ANO9: variants seen among roughly 807,000 people sequenced by gnomAD.
ANO9 encodes the protein anoctamin 9, also known as anoctamin-9.
ANO9 carries 80 observed loss-of-function variants against 100.5 expected under a neutral mutation model. The ratio of observed to expected loss-of-function variants is 0.80; its 90% CI spans 0.66 to 0.96. ANO9 has a LOEUF of 0.96. Among genes scored for constraint, ANO9 ranks in the 40% least tolerant of loss-of-function variants. ANO9 has a pLI of 0.00. For missense variants in ANO9, 1,064 were observed against 1,072.7 expected (o/e 0.99, Z 0.11); for synonymous variants, 473 against 435.6 (o/e 1.09, Z -1.07).
chr11:421,023 A>G lies in ANO9; in HGVS notation c.1412T>C (p.Met471Thr), dbSNP rs1308817414. Residue 471 changes from methionine to threonine, a missense_variant, in exon 17 of 23, where the codon ATG (methionine) becomes ACG (threonine). Transcript: ENST00000332826. This position sits in a 1 kb window ranked among gnomAD's most constrained non-coding sequence, Gnocchi z 6.8. ...KLEECHASGC[M>T]MDLFVQMAII... ...GGCCATCTGCACGAAGAGGTCCATC[A>G]TGCAGCCGCTGGCGTGGCACTGCGG... is the stretch of plus-strand genomic sequence containing the variant. 1.2e-6 allele frequency: 2 copies of G among 1,604,002 alleles called. No individual in the cohort carries two copies. The highest frequency in any genetic ancestry group is 1.3e-5 in the African/African-American group (1 of 74,762).
In ANO9 at chr11:432,042, T is replaced by A. The variant is rs776173161; in HGVS notation, c.363A>T (p.Arg121=). The change falls in exon 5 of 23, where the codon CGA becomes CGT. Residue 121 remains arginine (R), a synonymous_variant. Coordinates refer to ENST00000332826, the MANE Select transcript of ANO9 (RefSeq NM_001012302.3). This position sits in a 1 kb window ranked among gnomAD's most constrained non-coding sequence, Gnocchi z 4.8. ...TGTTCATGACAACGAAGTTCACGAT[T>A]CGGATTCTGAGACTCAAGAGCCAGA... ...TIPVTTSLRI[R]IVNFVVMNNK... is the part of the protein sequence containing the mutation. 19 of 1,612,934 alleles carry A rather than the reference T, an allele frequency of 1.2e-5. No homozygotes were observed. The highest frequency in any genetic ancestry group is 1.6e-5 in the Non-Finnish European group (19 of 1,179,744).
chr11:429,224 C>T (rs1388339913), intron 11 of ANO9, among the ~76,000 whole-genome samples: 4 of 134,908 alleles, frequency 3.0e-5, no homozygotes, highest in Non-Finnish European at 4.7e-5. Flanking sequence ...TCACCCCACA[C>T]GTGGGGAGAC....
rs954915003 is a variant in ANO9, at chr11:422,278, C to T, written c.1335-1080G>A. ...AGAACCTCGTTCTCCCATAAGAAAA[C>T]GGAGGATGTATTTGTAGTCAGAGCG... On this transcript the variant is annotated intron_variant, in intron 15 of 22. Transcript: ENST00000332826. The surrounding 1 kb of genome is among the most constrained non-coding windows in gnomAD (Gnocchi z 4.3). Among the ~76,000 whole-genome samples, 11 of 152,276 alleles carry T rather than the reference C, an allele frequency of 7.2e-5. No individual in the cohort carries two copies. Among genetic ancestry groups the T allele is most frequent in the East Asian group, 1.9e-4 (1 of 5,190 alleles).
chr11:419,681 G>T lies in ANO9; in HGVS notation c.1835C>A (p.Ala612Asp), dbSNP rs1167766057. ...TGTGAAGGCAATGACCATCCCATTG[G>T]CAATGACCGCCAGCACACCGATGGT... Reference protein sequence around the residue: ...LETIGVLAVIANGMVIAFTSE... With the variant: ...LETIGVLAVIDNGMVIAFTSE... Residue 612 changes from alanine (A) to aspartate (D), a missense_variant, in exon 20 of 23, where the codon GCC becomes GAC. Physicochemically the swap from Ala to Asp is moderately radical, Grantham distance 126. Transcript: ENST00000332826. 1 of 1,610,946 alleles carries T rather than the reference G, an allele frequency of 6.2e-7. No individual in the cohort carries two copies. The highest frequency in any genetic ancestry group is 1.4e-5 in the African/African-American group (1 of 73,208).
intron 15 of ANO9, among the ~76,000 whole-genome samples, chr11:424,194 C>T (rs1158063279): frequency 6.6e-6 from 1 of 152,164 alleles, no homozygotes; most frequent in Non-Finnish European, 1.5e-5. Context: ...GCACCTGGCC[C>T]ACAGTTGAAC....
chr11:420,568 C>T lies in ANO9; in HGVS notation c.1681G>A (p.Ala561Thr). ...TTIFVAAFPL[A>T]PLLALFSNLV... Reference sequence around the variant, plus strand: ...TTGCTGAAGAGCGCGAGCAGCGGCGCCAGCGGGAAGGCGGCCACGAAGATG... The same window carrying T: ...TTGCTGAAGAGCGCGAGCAGCGGCGTCAGCGGGAAGGCGGCCACGAAGATG... The change falls in exon 19 of 23, where the codon GCG (alanine) becomes ACG (threonine). Residue 561 changes from alanine (A) to threonine (T), a missense_variant. Physicochemically the swap from Ala to Thr is moderately conservative, Grantham distance 58 (BLOSUM62 0). Coordinates refer to ENST00000332826, the MANE Select transcript of ANO9 (RefSeq NM_001012302.3). 1 of 1,605,564 alleles carries T rather than the reference C, an allele frequency of 6.2e-7. No individual in the cohort carries two copies. The highest frequency in any genetic ancestry group is 8.5e-7 in the Non-Finnish European group (1 of 1,179,586).
rs771181777 is a variant in ANO9 at position 430,417 on chromosome 11, G to A, written c.540-14C>T. On this transcript the variant is annotated splice_polypyrimidine_tract_variant and intron_variant, in intron 7 of 22. Transcript: ENST00000332826. ...CCAAAGTAGTTCCTGCAGGCAGCAGGGGTCAAGGCCAGCTGTCAGGGGGCG... is the reference window on the plus strand; with the variant it reads ...CCAAAGTAGTTCCTGCAGGCAGCAGAGGTCAAGGCCAGCTGTCAGGGGGCG... The A allele has an allele frequency of 3.2e-6, 5 of 1,566,586 alleles. No individual in the cohort carries two copies. The highest frequency in any genetic ancestry group is 1.5e-5 in the African/African-American group (1 of 65,606).
chr11:440,625 G>C (rs1164735343), intron 1 of ANO9: 3 of 152,412 alleles, frequency 2.0e-5, no homozygotes, highest in Non-Finnish European at 4.4e-5. Context: ...GAACTCCCAG[G>C]CTCGAGCAAC....
chr11:425,640 A>G, intron 15 of ANO9, among the ~76,000 whole-genome samples: 1 of 151,584 alleles, frequency 6.6e-6, no homozygotes, highest in Non-Finnish European at 1.5e-5. Context: ...TGAACAGTCA[A>G]TTCATAGGAA....
At chr11:438,116 C>T (rs1234204201) in intron 1 of ANO9, among the ~76,000 whole-genome samples, 1 of 152,130 alleles carries the variant, frequency 6.6e-6, no homozygotes, top group Non-Finnish European at 1.5e-5. Flanking sequence ...CCGTGCAGCA[C>T]TGGGGTGATG....
chr11:419,167 T>G (rs7482596), intron 20 of ANO9, 178 bp from the exon 21 acceptor site: 1,197,531 of 1,439,640 alleles, frequency 0.83, 500,543 homozygotes, highest in East Asian at 1. Flanking sequence ...GGGGGCCTTG[T>G]GGGGACTGTG....
intron 20 of ANO9, chr11:419,305 C>G (rs780566317): frequency 7.1e-7 from 1 of 1,406,908 alleles, no homozygotes; most frequent in Admixed American, 2.9e-5. Flanking sequence ...AACCTCACAT[C>G]GGGAGGGAGC....
intron 1 of ANO9, among the ~76,000 whole-genome samples, chr11:437,257 G>A (rs1364808445): frequency 3.3e-5 from 5 of 152,270 alleles, no homozygotes; most frequent in East Asian, 3.9e-4. Flanking sequence ...CCACAGCTGT[G>A]GGAAAATTGT....
In ANO9 at chr11:434,753, G is replaced by T. The variant is rs577140179; in HGVS notation, c.7-655C>A. Reference sequence around the variant, plus strand: ...ACAGTGCACGGGGCTCCTGCAGGGTGACGGGCGCAGGCACATCCCAGCAGA... The same window carrying T: ...ACAGTGCACGGGGCTCCTGCAGGGTTACGGGCGCAGGCACATCCCAGCAGA... On this transcript the variant is annotated intron_variant, in intron 1 of 22. Transcript: ENST00000332826. Among the ~76,000 whole-genome samples the T allele has an allele frequency of 3.9e-5, 6 of 152,318 alleles. No homozygotes were observed. The South Asian group carries it at 6.2e-4, about 16-fold the overall frequency.
chr11:438,238 G>A (rs557248349), intron 1 of ANO9, among the ~76,000 whole-genome samples: 3 of 151,738 alleles, frequency 2.0e-5, no homozygotes, highest in South Asian at 4.2e-4. Context: ...AGAGCTACAC[G>A]CACACCTGGG....
Position 433,337 on chromosome 11 carries a change from C to G in ANO9, c.327G>C (p.Pro109=), listed in dbSNP as rs141202527. The G allele has an allele frequency of 1.2e-6, 2 of 1,612,552 alleles. No individual in the cohort carries two copies. The highest frequency in any genetic ancestry group is 1.7e-6 in the Non-Finnish European group (2 of 1,179,696). Residue 109 remains proline, a synonymous_variant, in exon 4 of 23, where the codon CCG becomes CCC. Coordinates refer to ENST00000332826, the MANE Select transcript of ANO9 (RefSeq NM_001012302.3). ...ACCTCGTGGTGACCGGGATGGTGGT[C>G]GGCGCGGCCAGCTCGGCGTGGGGGG... ...GPAPHAELAA[P]TTIPVTTSLR...
chr11:433,181 C>G (rs1035634524), intron 4 of ANO9, 133 bp downstream of exon 4: 1 of 1,283,374 alleles, frequency 7.8e-7, no homozygotes, highest in South Asian at 1.6e-5. Context: ...CACCTGTGGC[C>G]CCTGCCCTGA....
chr11:421,306 G>A lies in ANO9; in HGVS notation c.1335-108C>T. 8.1e-7 allele frequency: 1 copy of A among 1,229,358 alleles called. No homozygotes were observed. The highest frequency in any genetic ancestry group is 1.6e-5 in the South Asian group (1 of 60,958). 76.2% of individuals were successfully genotyped at this position (1,229,358 alleles called of 1,614,324 possible). Reference sequence around the variant, plus strand: ...GGAAAGACACAGAACAGGCGGGGCAGGCCCTGCAGGTGAGCGGGGCACAGG... The same window carrying A: ...GGAAAGACACAGAACAGGCGGGGCAAGCCCTGCAGGTGAGCGGGGCACAGG... On this transcript the variant is annotated intron_variant, in intron 15 of 22. Transcript: ENST00000332826. The surrounding 1 kb of genome is among the most constrained non-coding windows in gnomAD (Gnocchi z 6.8).
At position 418,999 on chromosome 11, in the gene ANO9, G is replaced by A. The variant is rs770726167; in HGVS notation, c.1935-10C>T. The A allele has an allele frequency of 1.4e-5, 22 of 1,612,952 alleles. No homozygotes were observed. The highest frequency in any genetic ancestry group is 1.6e-4 in the Middle Eastern group (1 of 6,082). On this transcript the variant is annotated splice_polypyrimidine_tract_variant and intron_variant, in intron 20 of 22. Transcript: ENST00000332826. ...GTAGCCCTTGAGGCAGCTGGGGAGAGGGGAGAGGAGTGTGGGGTGGGGTGG... is the reference window on the plus strand; with the variant it reads ...GTAGCCCTTGAGGCAGCTGGGGAGAAGGGAGAGGAGTGTGGGGTGGGGTGG...
Sources: allele counts gnomAD v4.1 joint callset (sites outside exome capture counted in the v4.1 genomes callset), GRCh38; gene constraint gnomAD v4.1.1; non-coding constraint Gnocchi (gnomAD v3.1); transcripts MANE v1.5; gene names NCBI Gene and HGNC (gene_info 2026-07-23, HGNC 2026-07-21).